ATP9A: variants seen among roughly 807,000 people sequenced by gnomAD.
ATP9A encodes ATPase phospholipid transporting 9A.
In ATP9A, 52 loss-of-function variants were observed where a neutral mutation model predicts 144.1. The observed-to-expected ratio is 0.36, with a 90% confidence interval of 0.29 to 0.45. The LOEUF is 0.45. ATP9A is among the 20% of genes least tolerant of loss of function. ATP9A has a pLI of 1.00. For synonymous variants in ATP9A, 582 were observed against 557.4 expected (o/e 1.04, Z -0.62); for missense variants, 947 against 1,392.7 (o/e 0.68, Z 5.09).
chr20:51,718,761 G>A (rs6096541), intron 3 of ATP9A, among the ~76,000 whole-genome samples: 33,319 of 140,304 alleles, frequency 0.24, 4,308 homozygotes, highest in Non-Finnish European at 0.27. Flanking sequence ...GTTGCAGTGA[G>A]CCGAGATCGC....
At chr20:51,724,040 G>A (rs1217613463) in intron 3 of ATP9A, among the ~76,000 whole-genome samples, 6 of 151,710 alleles carry the variant, frequency 4.0e-5, no homozygotes, top group Non-Finnish European at 8.8e-5. Context: ...GCACAGTGGC[G>A]GGCACCTGTA....
chr20:51,712,173 C>T (rs1287895286), intron 4 of ATP9A, among the ~76,000 whole-genome samples: 18 of 150,850 alleles, frequency 1.2e-4, no homozygotes, highest in Non-Finnish European at 2.2e-4. Context: ...CCCAGGTTCA[C>T]GCCATTCTCC....
intron 15 of ATP9A, among the ~76,000 whole-genome samples, chr20:51,630,124 C>T (rs937685157): frequency 6.6e-6 from 1 of 152,210 alleles, no homozygotes; most frequent in East Asian, 1.9e-4. Flanking sequence ...CACCCTCCTA[C>T]ATCACACAGG....
At chr20:51,763,357 G>C (rs569590260) in intron 1 of ATP9A, among the ~76,000 whole-genome samples, 1 of 149,326 alleles carries the variant, frequency 6.7e-6, no homozygotes, top group East Asian at 2.0e-4. Flanking sequence ...GTGTCGCCCA[G>C]GCTACAGTGC....
chr20:51,725,802 A>G lies in ATP9A; in HGVS notation c.327+17T>C. The G allele has an allele frequency of 6.6e-7, 1 of 1,506,592 alleles. No individual in the cohort carries two copies. Among genetic ancestry groups the G allele is most frequent in the Non-Finnish European group, 9.2e-7 (1 of 1,082,334 alleles). The allele number at this position is 1,506,592 out of a possible 1,614,324, so 93.3% of individuals were successfully genotyped here. The stretch of plus-strand genomic sequence containing the variant: ...AAACCTCTAAGGTTACTGAACAAAC[A>G]ATGCCGATTAACTTACCAGGGGAAC... On this transcript the variant is annotated intron_variant, in intron 3 of 27. Transcript: ENST00000338821.
intron 4 of ATP9A, among the ~76,000 whole-genome samples, chr20:51,711,194 A>G (rs2077637044): frequency 6.6e-6 from 1 of 152,206 alleles, no homozygotes; most frequent in Non-Finnish European, 1.5e-5. Flanking sequence ...GCATTTCTTT[A>G]CCAACTCTAA....
In ATP9A at chr20:51,738,155, A is replaced by G. The variant is rs561577017; in HGVS notation, c.69-8177T>C. On this transcript the variant is annotated intron_variant, in intron 1 of 27. Transcript: ENST00000338821. ...GCGATTCTCCTGCCTCAGCCTCCCA[A>G]GTAGCTGGGATTACAGGAACCCAAC... 2.8e-4 allele frequency among the ~76,000 whole-genome samples: 43 copies of G among 151,958 alleles called. No individual in the cohort carries two copies. In the East Asian group the frequency reaches 7.4e-3, roughly 26 times the overall value.
chr20:51,685,581 A>AAAAAGAAAAGAAAAAAG (rs2077519702), intron 9 of ATP9A, among the ~76,000 whole-genome samples: 1 of 150,090 alleles, frequency 6.7e-6, no homozygotes, highest in Non-Finnish European at 1.5e-5. Context: ...AAAGAAAAGA[A>AAAAAGAAAAGAAAAAAG]AAAAGAAAAG....
intron 16 of ATP9A, 135 bp from the exon 17 acceptor site, chr20:51,627,818 T>C: frequency 1.4e-6 from 1 of 740,092 alleles, no homozygotes; most frequent in Non-Finnish European, 2.3e-6. Context: ...TGCTTTCCCC[T>C]ACGGCAATCC....
At position 51,711,942 on chromosome 20, in the gene ATP9A, G is replaced by A. The variant is rs563953587; in HGVS notation, c.436+1024C>T. On this transcript the variant is annotated intron_variant, in intron 4 of 27. Transcript: ENST00000338821. The stretch of plus-strand genomic sequence containing the variant: ...GTGATCTTGGCTCACTGCAGCCTCC[G>A]CCTCCTAGGTTCAAGTGAGTCTCCT... Among the ~76,000 whole-genome samples the A allele has an allele frequency of 8.5e-5, 12 of 141,576 alleles. No individual in the cohort carries two copies. In the South Asian group the frequency reaches 1.1e-3, roughly 13 times the overall value. The allele number at this position is 141,576 out of a possible 152,430, so 92.9% of individuals were successfully genotyped here.
rs935330807 is a variant in ATP9A at position 51,679,826 on chromosome 20, G to A, written c.800-3618C>T. Among the ~76,000 whole-genome samples, 5 of 152,280 alleles carry A rather than the reference G, an allele frequency of 3.3e-5. No homozygotes were observed. In the East Asian group the frequency reaches 5.8e-4, roughly 18 times the overall value. ...CCACAACAAAATAAATGCTGAACCC[G>A]AGAATCAGCGTTTGGAAATTTTTAT... On this transcript the variant is annotated intron_variant, in intron 9 of 27. Coordinates refer to ENST00000338821, the MANE Select transcript of ATP9A (RefSeq NM_006045.3).
At position 51,611,714 on chromosome 20, in the gene ATP9A, A is replaced by C. The variant is rs1401491298; in HGVS notation, c.2572-1549T>G. Among the ~76,000 whole-genome samples the C allele has an allele frequency of 2.0e-5, 3 of 152,232 alleles. No homozygotes were observed. The highest frequency in any genetic ancestry group is 7.2e-5 in the African/African-American group (3 of 41,456). On this transcript the variant is annotated intron_variant, in intron 23 of 27. Coordinates refer to ENST00000338821, the MANE Select transcript of ATP9A (RefSeq NM_006045.3). The surrounding 1 kb of genome is among the most constrained non-coding windows in gnomAD (Gnocchi z 4.2). ...CCAGCTTTTGTGTATGAGTCCAAGG[A>C]CGGGCTGATTAATCTCCCAATCATT... is the stretch of plus-strand genomic sequence containing the variant.
chr20:51,624,991 C>G (rs557875958), intron 18 of ATP9A, among the ~76,000 whole-genome samples: 4 of 127,540 alleles, frequency 3.1e-5, no homozygotes, highest in Non-Finnish European at 6.3e-5. Flanking sequence ...GGCGACACAG[C>G]GAGACCCCGT....
At chr20:51,680,244 A>C (rs969783376) in intron 9 of ATP9A, among the ~76,000 whole-genome samples, 20 of 151,614 alleles carry the variant, frequency 1.3e-4, no homozygotes, top group Non-Finnish European at 2.4e-4. Context: ...AAAAAAAAAA[A>C]AACTTGTGGC....
At chr20:51,725,257 G>A (rs1298439292) in intron 3 of ATP9A, among the ~76,000 whole-genome samples, 1 of 151,968 alleles carries the variant, frequency 6.6e-6, no homozygotes, top group Non-Finnish European at 1.5e-5. Flanking sequence ...CAAGTAGTTG[G>A]GACTACAGGC....
intron 14 of ATP9A, among the ~76,000 whole-genome samples, chr20:51,654,530 C>A (rs1031177800): frequency 6.6e-6 from 1 of 151,402 alleles, no homozygotes; most frequent in Non-Finnish European, 1.5e-5. Context: ...AAAAAAAATT[C>A]TGGGAAGCAC....
chr20:51,616,318 ACTT>A (rs1292176615), intron 22 of ATP9A, among the ~76,000 whole-genome samples: 1 of 150,512 alleles, frequency 6.6e-6, no homozygotes, highest in East Asian at 2.0e-4. Flanking sequence ...CTTCAAACAC[ACTT>A]CTTTTCTTTT....
chr20:51,763,549 C>G (rs6096568), intron 1 of ATP9A, among the ~76,000 whole-genome samples: 4,027 of 151,720 alleles, frequency 0.027, 151 homozygotes, highest in African/African-American at 0.086. Flanking sequence ...TCCTGACCTC[C>G]TGATCCGCCC....
chr20:51,598,546 G>T lies in ATP9A; in HGVS notation c.*2665C>A, dbSNP rs996666724. 2.0e-5 allele frequency: 3 copies of T among 152,094 alleles called. No homozygotes were observed. The highest frequency in any genetic ancestry group is 4.4e-5 in the Non-Finnish European group (3 of 68,006). 9.4% of individuals were successfully genotyped at this position (152,094 alleles called of 1,614,324 possible). ...GGTCAACTGAATCCTTATGCTTAAG[G>T]TTTACAAACTCAGGAGAGTTTCTTG... On this transcript the variant is annotated 3_prime_UTR_variant, in exon 28 of 28. Transcript: ENST00000338821.
Sources: allele counts gnomAD v4.1 joint callset (sites outside exome capture counted in the v4.1 genomes callset), GRCh38; gene constraint gnomAD v4.1.1; non-coding constraint Gnocchi (gnomAD v3.1); transcripts MANE v1.5; gene names NCBI Gene and HGNC (gene_info 2026-07-23, HGNC 2026-07-21).